The following PEBP4 variants were observed in gnomAD, a reference collection of about 807,000 sequenced individuals.
The protein encoded by PEBP4 is phosphatidylethanolamine binding protein 4.
A neutral mutation model predicts 23.9 loss-of-function variants in PEBP4; 22 were observed. The observed-to-expected ratio is 0.92, with a 90% CI of 0.66 to 1.31. The LOEUF (loss-of-function observed/expected upper bound fraction) is 1.31, where lower values mean the gene tolerates loss of function less well. PEBP4 is among the 40% of genes most tolerant of loss of function. PEBP4 has a pLI of 0.00. For missense variants in PEBP4, 324 were observed against 281.7 expected (o/e 1.15, Z -1.07); for synonymous variants, 112 against 99.3 (o/e 1.13, Z -0.76).
intron 3 of PEBP4, among the ~76,000 whole-genome samples, chr8:22,856,786 T>C (rs984407054): frequency 9.2e-5 from 14 of 152,060 alleles, no homozygotes; most frequent in Non-Finnish European, 1.5e-5. Context: ...CTTTGATCTA[T>C]TAGTTCCTCT....
chr8:22,803,079 G>A (rs1049861280), intron 4 of PEBP4, among the ~76,000 whole-genome samples: 1 of 152,114 alleles, frequency 6.6e-6, no homozygotes, highest in Non-Finnish European at 1.5e-5. Flanking sequence ...GCCCTGTACC[G>A]TGAGACCTCC....
rs376334210 is a variant in PEBP4 at position 22,923,630 on chromosome 8, C to T, written c.132-3320G>A. ...TATGAAGGGCTTAGAATTTCAGCTG[C>T]CCCTCAGTGAGTGCTATGGTCTGAG... On this transcript the variant is annotated intron_variant, in intron 2 of 6. Transcript: ENST00000256404. Among the ~76,000 whole-genome samples, 110 of 152,202 alleles carry T rather than the reference C, an allele frequency of 7.2e-4. 5 individuals are homozygous for T. The South Asian group carries it at 0.021, about 29-fold the overall frequency.
In PEBP4 at chr8:22,898,330, T is replaced by TGCA. The variant is rs570286916; in HGVS notation, c.258+21851_258+21853dup. 4.7e-4 allele frequency among the ~76,000 whole-genome samples: 62 copies of TGCA among 132,002 alleles called. 2 individuals are homozygous for TGCA. In the South Asian group the frequency reaches 0.015, roughly 32 times the overall value. The allele number at this position is 132,002 out of a possible 152,430, so 86.6% of individuals were successfully genotyped here. A position where few individuals can be genotyped will look rare whatever the true frequency, so the allele number is the denominator to read the frequency against. ...TTGCTTGGACCTGGAAGGCAGAGGT[T>TGCA]GCAGTGAGCCGAGATCACACCGCTG... On this transcript the variant is annotated intron_variant, in intron 3 of 6. Transcript: ENST00000256404.
intron 2 of PEBP4, among the ~76,000 whole-genome samples, chr8:22,926,572 C>G (rs1483893119): frequency 6.6e-6 from 1 of 152,044 alleles, no homozygotes; most frequent in Non-Finnish European, 1.5e-5. Context: ...GTCTCAAACC[C>G]CTGGGCTCAA....
intron 3 of PEBP4, among the ~76,000 whole-genome samples, chr8:22,827,120 C>A (rs1806987542): frequency 6.6e-6 from 1 of 152,040 alleles, no homozygotes; most frequent in South Asian, 2.1e-4. Context: ...AGGGCATGAG[C>A]AAGGTGTAGG....
chr8:22,739,096 G>C (rs1804934668), intron 4 of PEBP4, among the ~76,000 whole-genome samples: 1 of 151,998 alleles, frequency 6.6e-6, no homozygotes, highest in African/African-American at 2.4e-5. Flanking sequence ...GTCTGTGAGT[G>C]AGACCTAAGC....
At chr8:22,729,061 G>A (rs1804681002) in intron 4 of PEBP4, among the ~76,000 whole-genome samples, 1 of 152,182 alleles carries the variant, frequency 6.6e-6, no homozygotes, top group Non-Finnish European at 1.5e-5. Flanking sequence ...CCCGCATTTT[G>A]GGCCTGGCTT....
intron 3 of PEBP4, among the ~76,000 whole-genome samples, chr8:22,903,923 G>C (rs751942118): frequency 4.6e-4 from 70 of 152,318 alleles, no homozygotes; most frequent in Non-Finnish European, 7.5e-4. Flanking sequence ...AATGGTCAAG[G>C]CTCCAGCTGG....
chr8:22,836,157 G>A (rs1180872859), intron 3 of PEBP4, among the ~76,000 whole-genome samples: 2 of 152,232 alleles, frequency 1.3e-5, no homozygotes, highest in African/African-American at 4.8e-5. Flanking sequence ...CTATGTATAA[G>A]ATGGAGATAA....
chr8:22,825,224 C>A (rs1011674750), intron 3 of PEBP4, among the ~76,000 whole-genome samples: 7 of 152,212 alleles, frequency 4.6e-5, no homozygotes, highest in Non-Finnish European at 8.8e-5. Flanking sequence ...AAGAGCTTAG[C>A]CCTTAGCCAG....
chr8:22,802,544 G>GTT (rs1806407753), intron 4 of PEBP4, among the ~76,000 whole-genome samples: 1 of 152,228 alleles, frequency 6.6e-6, no homozygotes. Context: ...CCTGACACTG[G>GTT]TTCCAACCAC....
intron 4 of PEBP4, among the ~76,000 whole-genome samples, chr8:22,783,086 C>T (rs1478156817): frequency 6.6e-6 from 1 of 152,200 alleles, no homozygotes; most frequent in Non-Finnish European, 1.5e-5. Flanking sequence ...GGGTAGGGCT[C>T]CTGAGGTTTG....
intron 4 of PEBP4, among the ~76,000 whole-genome samples, chr8:22,780,138 A>T (rs757639149): frequency 3.0e-4 from 46 of 151,950 alleles, no homozygotes; most frequent in African/African-American, 9.9e-4. Flanking sequence ...TAATTTTTGT[A>T]TTTTTTTGTA....
At chr8:22,818,480 T>C (rs574768456) in intron 3 of PEBP4, among the ~76,000 whole-genome samples, 1 of 152,162 alleles carries the variant, frequency 6.6e-6, no homozygotes, top group Non-Finnish European at 1.5e-5. Context: ...AAGAGCACCA[T>C]TGTGGCCAGG....
chr8:22,736,161 C>CT (rs1305847147), intron 4 of PEBP4, among the ~76,000 whole-genome samples: 1 of 152,136 alleles, frequency 6.6e-6, no homozygotes, highest in East Asian at 1.9e-4. Flanking sequence ...AGAGAGCTGG[C>CT]TGAGCCACAG....
intron 3 of PEBP4, among the ~76,000 whole-genome samples, chr8:22,863,345 C>T (rs1193509002): frequency 6.6e-6 from 1 of 152,176 alleles, no homozygotes; most frequent in South Asian, 2.1e-4. Context: ...CCAATTGGAA[C>T]ACAATTCAGG....
chr8:22,777,847 G>A (rs1436134413), intron 4 of PEBP4, among the ~76,000 whole-genome samples: 1 of 152,122 alleles, frequency 6.6e-6, no homozygotes, highest in African/African-American at 2.4e-5. Context: ...GGGCGTGTGG[G>A]AGAAGGCTGC....
chr8:22,933,549 G>C (rs1045139761), intron 1 of PEBP4, among the ~76,000 whole-genome samples: 5 of 152,204 alleles, frequency 3.3e-5, no homozygotes, highest in Non-Finnish European at 5.9e-5. Flanking sequence ...TGTCAATTAA[G>C]AATTCTATGT....
intron 3 of PEBP4, among the ~76,000 whole-genome samples, chr8:22,822,889 A>G (rs1806890999): frequency 6.6e-6 from 1 of 152,082 alleles, no homozygotes; most frequent in Non-Finnish European, 1.5e-5. Flanking sequence ...TAATTTTTTA[A>G]TCTGGCACAA....
Sources: allele counts gnomAD v4.1 joint callset (sites outside exome capture counted in the v4.1 genomes callset), GRCh38; gene constraint gnomAD v4.1.1; transcripts MANE v1.5; gene names NCBI Gene and HGNC (gene_info 2026-07-23, HGNC 2026-07-21).